The following NRXN3 variants were observed in gnomAD, a reference collection of about 807,000 sequenced individuals.
NRXN3 encodes the protein neurexin 3.
NRXN3 carries 32 observed loss-of-function variants against 137.6 expected under a neutral mutation model. That is an observed-to-expected ratio of 0.23 (90% CI 0.18 to 0.31). The LOEUF is 0.31. NRXN3 is among the 10% of genes least tolerant of loss of function. The pLI is 1.00. For synonymous variants in NRXN3, 798 were observed against 784.5 expected, an observed-to-expected ratio of 1.02 and a Z score of -0.29; for missense variants, 1,574 against 2,062.5, an observed-to-expected ratio of 0.76 and a Z score of 4.59.
At chr14:78,401,859 A>G (rs2092100116) in intron 4 of NRXN3, among the ~76,000 whole-genome samples, 1 of 152,244 alleles carries the variant, frequency 6.6e-6, no homozygotes, top group South Asian at 2.1e-4. Flanking sequence ...GAACATACTC[A>G]CTAGTTTCTA....
chr14:79,852,261 A>ACG (rs1301936332), intron 20 of NRXN3, among the ~76,000 whole-genome samples: 1 of 150,066 alleles, frequency 6.7e-6, no homozygotes, highest in Non-Finnish European at 1.5e-5. Context: ...ACACACACAC[A>ACG]CACACACACA....
intron 8 of NRXN3, among the ~76,000 whole-genome samples, chr14:78,758,588 T>G (rs902813923): frequency 6.6e-6 from 1 of 152,220 alleles, no homozygotes; most frequent in African/African-American, 2.4e-5. Flanking sequence ...TCCAGACAGC[T>G]CTTATGTATT....
At chr14:78,488,004 C>G (rs1404176563) in intron 4 of NRXN3, among the ~76,000 whole-genome samples, 1 of 152,066 alleles carries the variant, frequency 6.6e-6, no homozygotes. Flanking sequence ...CATTTTCTCA[C>G]AGTTCTGGAG....
At chr14:78,255,785 A>T (rs1348540517) in intron 2 of NRXN3, among the ~76,000 whole-genome samples, 2 of 152,222 alleles carry the variant, frequency 1.3e-5, no homozygotes, top group African/African-American at 4.8e-5. Flanking sequence ...TTGTGTGTAT[A>T]TGCAGGTTTT....
At chr14:78,648,690 C>CT (rs2097710184) in intron 5 of NRXN3, among the ~76,000 whole-genome samples, 1 of 152,138 alleles carries the variant, frequency 6.6e-6, no homozygotes, top group Non-Finnish European at 1.5e-5. Flanking sequence ...TCTGTAAATG[C>CT]TTTAAGTTTT....
At chr14:79,394,196 C>G (rs1438153222) in intron 15 of NRXN3, among the ~76,000 whole-genome samples, 2 of 151,934 alleles carry the variant, frequency 1.3e-5, no homozygotes, top group Non-Finnish European at 2.9e-5. Context: ...ATTATTCAAC[C>G]AGGATGTAGG....
At chr14:78,989,026 A>G (rs754387151) in intron 15 of NRXN3, among the ~76,000 whole-genome samples, 1 of 152,102 alleles carries the variant, frequency 6.6e-6, no homozygotes, top group Non-Finnish European at 1.5e-5. Flanking sequence ...TATTTTCTTG[A>G]TGTGACCATA....
chr14:78,474,383 G>A (rs1017291225), intron 4 of NRXN3, among the ~76,000 whole-genome samples: 1 of 152,068 alleles, frequency 6.6e-6, no homozygotes, highest in Non-Finnish European at 1.5e-5. Flanking sequence ...TTGGTCCATG[G>A]ACCAATGTTA....
intron 4 of NRXN3, among the ~76,000 whole-genome samples, chr14:78,551,110 G>C (rs1423010992): frequency 6.6e-6 from 1 of 152,174 alleles, no homozygotes; most frequent in Non-Finnish European, 1.5e-5. Flanking sequence ...AACACAAATA[G>C]AAGAGCATGC....
intron 8 of NRXN3, among the ~76,000 whole-genome samples, chr14:78,741,712 A>C (rs1315917226): frequency 6.6e-6 from 1 of 152,232 alleles, no homozygotes; most frequent in South Asian, 2.1e-4. Flanking sequence ...ATTTCTAAGT[A>C]TACTGTACGG....
At chr14:78,970,493 A>T (rs2099433665) in intron 14 of NRXN3, among the ~76,000 whole-genome samples, 1 of 152,182 alleles carries the variant, frequency 6.6e-6, no homozygotes, top group Non-Finnish European at 1.5e-5. Context: ...AGTGCTCAAT[A>T]CACATGTCAA....
chr14:78,822,805 C>T (rs1323083058), intron 10 of NRXN3, among the ~76,000 whole-genome samples: 1 of 152,098 alleles, frequency 6.6e-6, no homozygotes, highest in South Asian at 2.1e-4. Context: ...AAAGCCTCTG[C>T]TCCTCACCAT....
chr14:78,397,796 G>T (rs547712463), intron 4 of NRXN3, among the ~76,000 whole-genome samples: 1 of 151,694 alleles, frequency 6.6e-6, no homozygotes, highest in South Asian at 2.1e-4. Context: ...TAGAGACAGG[G>T]TTTCACCAGG....
At chr14:79,415,520 T>G (rs1226184566) in intron 15 of NRXN3, among the ~76,000 whole-genome samples, 1 of 152,138 alleles carries the variant, frequency 6.6e-6, no homozygotes, top group African/African-American at 2.4e-5. Flanking sequence ...CTGAAGATTT[T>G]TGTGTCTGTG....
At chr14:78,300,749 T>A (rs1358499899) in intron 4 of NRXN3, 2 of 1,193,240 alleles carry the variant, frequency 1.7e-6, no homozygotes, top group East Asian at 2.5e-5. Context: ...GAAATATTCA[T>A]GCATCCAAGA....
rs541563750 is a variant in NRXN3 at position 79,640,828 on chromosome 14, C to A, written c.3445-22950C>A. ...GTAAAGGAAACAAAAATAATTCTAA[C>A]CACTAATTAACTAACAGCAAAGAGA... On this transcript the variant is annotated intron_variant, in intron 16 of 20. Transcript: ENST00000335750. Among the ~76,000 whole-genome samples, 7 of 135,182 alleles carry A rather than the reference C, an allele frequency of 5.2e-5. 2 individuals carry two copies. The highest frequency in any genetic ancestry group is 3.9e-4 in the Admixed American group (5 of 12,738). 88.7% of individuals were successfully genotyped at this position (135,182 alleles called of 152,430 possible). A position where few individuals can be genotyped will look rare whatever the true frequency, so the allele number is the denominator to read the frequency against.
intron 4 of NRXN3, among the ~76,000 whole-genome samples, chr14:78,417,414 G>A (rs1598422928): frequency 6.6e-6 from 1 of 152,178 alleles, no homozygotes; most frequent in African/African-American, 2.4e-5. Context: ...CCCCATGGGA[G>A]CATGCGCAGA....
chr14:78,322,014 G>A (rs2079431626), intron 4 of NRXN3, among the ~76,000 whole-genome samples: 1 of 151,792 alleles, frequency 6.6e-6, no homozygotes, highest in Non-Finnish European at 1.5e-5. Flanking sequence ...ATAAAACTAG[G>A]ATCACACTCC....
chr14:79,693,083 T>C (rs1286039912), intron 18 of NRXN3, among the ~76,000 whole-genome samples: 4 of 152,016 alleles, frequency 2.6e-5, no homozygotes, highest in Non-Finnish European at 5.9e-5. Flanking sequence ...CGGTTATAAC[T>C]GATGTTAGAA....
Sources: gnomAD v4.1 joint callset for allele counts (sites outside exome capture counted in the v4.1 genomes callset) on GRCh38, gnomAD v4.1.1 for gene constraint, MANE v1.5 for transcripts, NCBI Gene and HGNC (gene_info 2026-07-23, HGNC 2026-07-21) for gene names.